The following STOX2 variants were observed in gnomAD, a reference collection of about 807,000 sequenced individuals.
The protein encoded by STOX2 is storkhead box 2, also known as storkhead-box protein 2.
Under a neutral mutation model 60.9 loss-of-function variants are expected in STOX2, and 28 were observed. That is an observed-to-expected ratio of 0.46 (90% confidence interval 0.34 to 0.63). STOX2 has a LOEUF of 0.63. Among genes scored for constraint, STOX2 ranks in the 30% least tolerant of loss-of-function variants. STOX2 has a pLI of 0.01. For synonymous variants in STOX2, 472 were observed against 463.9 expected (o/e 1.02, Z -0.22); for missense variants, 1,024 against 1,187.7 (o/e 0.86, Z 2.03).
chr4:183,951,032 G>A (rs574219581), intron 1 of STOX2, among the ~76,000 whole-genome samples: 12 of 151,922 alleles, frequency 7.9e-5, no homozygotes, highest in South Asian at 2.1e-4. Flanking sequence ...TGGCTAACAC[G>A]GTGAAACCCC....
At chr4:183,851,714 G>C (rs1740144289) in intron 1 of STOX2, among the ~76,000 whole-genome samples, 1 of 127,842 alleles carries the variant, frequency 7.8e-6, no homozygotes, top group Non-Finnish European at 1.6e-5. Context: ...TGAGGGAAAG[G>C]ATGAGAGAAA....
chr4:183,946,569 G>C (rs11945741), intron 1 of STOX2, among the ~76,000 whole-genome samples: 10,749 of 151,790 alleles, frequency 0.071, 1,133 homozygotes, highest in African/African-American at 0.23. Context: ...GAACACATAT[G>C]GACTTTTTTT....
At chr4:183,842,951 C>T (rs1340546016) in intron 1 of STOX2, among the ~76,000 whole-genome samples, 1 of 151,774 alleles carries the variant, frequency 6.6e-6, no homozygotes, top group Non-Finnish European at 1.5e-5. Flanking sequence ...AGTTCAAGAC[C>T]AGCCTAGCCA....
intron 1 of STOX2, among the ~76,000 whole-genome samples, chr4:183,826,493 T>G (rs1190579511): frequency 6.6e-6 from 1 of 152,224 alleles, no homozygotes; most frequent in African/African-American, 2.4e-5. Context: ...GCTGAGTAAG[T>G]GTAACCTCTC....
chr4:184,008,787 G>A (rs990326138), intron 2 of STOX2, among the ~76,000 whole-genome samples: 2 of 152,046 alleles, frequency 1.3e-5, no homozygotes, highest in African/African-American at 2.4e-5. Context: ...TATTGAAAAA[G>A]CCTTTTCTAT....
At chr4:183,902,604 G>A (rs1432724831), upstream of STOX2, among the ~76,000 whole-genome samples, 1 of 152,172 alleles carries the variant, frequency 6.6e-6, no homozygotes, top group African/African-American at 2.4e-5. Context: ...GGTTGTATAT[G>A]ACCAGAGTGA....
rs1212385696 is a variant in STOX2 at position 183,852,640 on chromosome 4, C to A, written c.364+54585C>A. ...TCTAGGTTGAACGATCTGACCACACCCTGTACCTCGGAAGCAGCATTCCCT... is the reference window on the plus strand; with the variant it reads ...TCTAGGTTGAACGATCTGACCACACACTGTACCTCGGAAGCAGCATTCCCT... On this transcript the variant is annotated intron_variant, in intron 1 of 2. Transcript: ENST00000513034. Among the ~76,000 whole-genome samples, 4 of 152,238 alleles carry A rather than the reference C, an allele frequency of 2.6e-5. No homozygotes were observed. The South Asian group carries it at 8.3e-4, about 32-fold the overall frequency.
chr4:183,911,859 A>G (rs963634999), intron 1 of STOX2, among the ~76,000 whole-genome samples: 1 of 152,224 alleles, frequency 6.6e-6, no homozygotes, highest in Non-Finnish European at 1.5e-5. Context: ...AATCAGTGAT[A>G]GAGTGTGTGA....
At chr4:184,002,331 A>AT (rs1399196097) in intron 2 of STOX2, among the ~76,000 whole-genome samples, 1 of 152,226 alleles carries the variant, frequency 6.6e-6, no homozygotes, top group African/African-American at 2.4e-5. Context: ...TGAAATAGAG[A>AT]TTATATTAAA....
At chr4:183,933,220 CA>C (rs1742488309) in intron 1 of STOX2, among the ~76,000 whole-genome samples, 1 of 152,188 alleles carries the variant, frequency 6.6e-6, no homozygotes, top group African/African-American at 2.4e-5. Flanking sequence ...TGGACAGACA[CA>C]AATACCGTGC....
At chr4:183,920,483 C>G (rs1742070891) in intron 1 of STOX2, among the ~76,000 whole-genome samples, 1 of 152,124 alleles carries the variant, frequency 6.6e-6, no homozygotes, top group African/African-American at 2.4e-5. Context: ...CTAAGTGGAC[C>G]CCACTGTAGA....
chr4:183,805,280 T>C (rs983112512), intron 1 of STOX2, among the ~76,000 whole-genome samples: 3 of 152,228 alleles, frequency 2.0e-5, no homozygotes, highest in Non-Finnish European at 4.4e-5. Context: ...GTTTATATAT[T>C]TGTTAAATAA....
chr4:183,916,174 G>A (rs575338360), intron 1 of STOX2, among the ~76,000 whole-genome samples: 38 of 152,320 alleles, frequency 2.5e-4, no homozygotes, highest in African/African-American at 7.0e-4. Flanking sequence ...TGGCGTTCCC[G>A]GGCCAGGGGT....
chr4:183,886,955 C>A (rs956986278), intron 1 of STOX2, among the ~76,000 whole-genome samples: 4 of 152,144 alleles, frequency 2.6e-5, no homozygotes, highest in African/African-American at 9.7e-5. Context: ...CTCAGTGCTA[C>A]TGCATAAAGT....
intron 1 of STOX2, among the ~76,000 whole-genome samples, chr4:183,840,020 C>A (rs1739817037): frequency 6.6e-6 from 1 of 151,846 alleles, no homozygotes; most frequent in Admixed American, 6.6e-5. Context: ...GCAAGGATTT[C>A]TTTGTTTTTC....
intron 1 of STOX2, among the ~76,000 whole-genome samples, chr4:183,955,329 G>A (rs956458166): frequency 2.1e-4 from 32 of 152,170 alleles, no homozygotes; most frequent in African/African-American, 7.5e-4. Context: ...ACAGCCATTC[G>A]TTTTGTCTGC....
chr4:183,981,752 T>C (rs1732664876), intron 1 of STOX2, among the ~76,000 whole-genome samples: 2 of 152,232 alleles, frequency 1.3e-5, no homozygotes, highest in African/African-American at 2.4e-5. Flanking sequence ...GATATCTGCA[T>C]ACTTCATTTG....
chr4:183,984,537 C>G (rs931786971), intron 1 of STOX2, among the ~76,000 whole-genome samples: 7 of 152,204 alleles, frequency 4.6e-5, no homozygotes, highest in Admixed American at 2.0e-4. Context: ...AATTCCTGAA[C>G]TGACCATAGG....
intron 1 of STOX2, among the ~76,000 whole-genome samples, chr4:183,876,218 T>C (rs1191194504): frequency 1.3e-5 from 2 of 152,158 alleles, no homozygotes; most frequent in African/African-American, 4.8e-5. Context: ...CAATTTGAAC[T>C]TCAAGGGGCG....
Sources: allele counts gnomAD v4.1 joint callset (sites outside exome capture counted in the v4.1 genomes callset), GRCh38; gene constraint gnomAD v4.1.1; transcripts MANE v1.5; gene names NCBI Gene and HGNC (gene_info 2026-07-23, HGNC 2026-07-21).